The following GRB14 variants were observed in gnomAD, a reference collection of about 807,000 sequenced individuals.
GRB14 encodes the protein growth factor receptor-bound protein 14.
In GRB14, 38 loss-of-function variants were observed where a neutral mutation model predicts 69.1. That is an observed-to-expected ratio of 0.55 (90% confidence interval 0.42 to 0.72). The LOEUF (loss-of-function observed/expected upper bound fraction) is 0.72. Ranked by LOEUF, GRB14 falls within the 30% of genes least tolerant of loss-of-function variation. GRB14 has a pLI of 0.00. For synonymous variants in GRB14, 247 were observed against 241.3 expected, an observed-to-expected ratio of 1.02 and a Z score of -0.22; for missense variants, 666 against 666.1, an observed-to-expected ratio of 1.00 and a Z score of 0.00.
At chr2:164,525,146 A>G in intron 4 of GRB14, 68 bp from the exon 5 acceptor site, 1 of 1,044,834 alleles carries the variant, frequency 9.6e-7, no homozygotes, top group Non-Finnish European at 1.4e-6. Context: ...TGACCAATAT[A>G]GTAATCAAAA....
At chr2:164,568,299 TAAA>T in intron 2 of GRB14, 1 of 1,281,104 alleles carries the variant, frequency 7.8e-7, no homozygotes, top group Non-Finnish European at 1.0e-6. Context: ...AAAAAAAGGA[TAAA>T]GAAGTCACAT....
In GRB14 at chr2:164,546,594, A is replaced by G. The variant is rs537231603; in HGVS notation, c.481+1066T>C. ...CCATATCCACCACGATGCCCCTCCC[A>G]CAAGCTTGTGAAAAACTTTCCCCCA... On this transcript the variant is annotated intron_variant, in intron 3 of 13. Coordinates refer to ENST00000263915, the MANE Select transcript of GRB14 (RefSeq NM_004490.3). 1.6e-3 allele frequency among the ~76,000 whole-genome samples: 247 copies of G among 152,292 alleles called. 1 individual carries two copies. Among genetic ancestry groups the G allele is most frequent in the Non-Finnish European group, 2.4e-3 (166 of 68,020 alleles).
chr2:164,529,977 G>A (rs1021193523), intron 3 of GRB14, among the ~76,000 whole-genome samples: 1 of 152,170 alleles, frequency 6.6e-6, no homozygotes, highest in Non-Finnish European at 1.5e-5. Flanking sequence ...GGAGAAGACA[G>A]TAACAAAATA....
In GRB14 at chr2:164,527,586, T is replaced by C. The variant is rs142083481; in HGVS notation, c.482-451A>G. Among the ~76,000 whole-genome samples the C allele has an allele frequency of 5.9e-5, 9 of 151,998 alleles. No homozygotes were observed. In the East Asian group the frequency reaches 1.5e-3, roughly 26 times the overall value. On this transcript the variant is annotated intron_variant, in intron 3 of 13. Transcript: ENST00000263915. ...TTAAGAGATGAAGAATTTTGACAGG[T>C]TCATGTGCATTTAAGACTGTCCAGA... is the stretch of plus-strand genomic sequence containing the variant.
intron 3 of GRB14, among the ~76,000 whole-genome samples, chr2:164,530,734 G>A (rs750182511): frequency 2.0e-5 from 3 of 152,168 alleles, no homozygotes; most frequent in Non-Finnish European, 2.9e-5. Context: ...GTTATCCCAG[G>A]AGAAGAAGTT....
intron 6 of GRB14, 111 bp downstream of exon 6, chr2:164,521,869 A>G (rs991439480): frequency 2.0e-6 from 2 of 1,003,798 alleles, no homozygotes; most frequent in Non-Finnish European, 3.0e-6. Flanking sequence ...AAGAAAATCA[A>G]AGACCAACCT....
intron 2 of GRB14, among the ~76,000 whole-genome samples, chr2:164,571,035 A>G (rs553504509): frequency 2.0e-4 from 31 of 152,354 alleles, no homozygotes; most frequent in African/African-American, 6.0e-4. Flanking sequence ...GATACTTTTC[A>G]TAGTCAGCAG....
chr2:164,604,500 G>A (rs1232874482), intron 2 of GRB14, among the ~76,000 whole-genome samples: 1 of 151,970 alleles, frequency 6.6e-6, no homozygotes, highest in East Asian at 1.9e-4. Context: ...ATGTGTAAAG[G>A]CATAAAAACA....
intron 2 of GRB14, among the ~76,000 whole-genome samples, chr2:164,584,663 G>C (rs1689492314): frequency 6.6e-6 from 1 of 151,830 alleles, no homozygotes; most frequent in Admixed American, 6.6e-5. Context: ...AAAGGAATAT[G>C]TTGACTTGCC....
intron 2 of GRB14, among the ~76,000 whole-genome samples, chr2:164,583,257 T>C (rs998754643): frequency 2.6e-5 from 4 of 151,266 alleles, no homozygotes; most frequent in Admixed American, 6.6e-5. Context: ...ACTAGCAGAA[T>C]AGCACTAAAA....
intron 8 of GRB14, 131 bp downstream of exon 8, chr2:164,508,324 C>A: frequency 1.5e-6 from 1 of 654,304 alleles, no homozygotes. Flanking sequence ...AAAACATACA[C>A]ATTTGGTGGT....
intron 2 of GRB14, among the ~76,000 whole-genome samples, chr2:164,567,784 T>C (rs1689016155): frequency 6.6e-6 from 1 of 152,172 alleles, no homozygotes; most frequent in African/African-American, 2.4e-5. Flanking sequence ...GGGAATTTAA[T>C]GGAAAGTTTT....
At chr2:164,514,976 A>G (rs1687441496) in intron 6 of GRB14, among the ~76,000 whole-genome samples, 1 of 152,158 alleles carries the variant, frequency 6.6e-6, no homozygotes, top group Non-Finnish European at 1.5e-5. Context: ...GATGCAGCAG[A>G]GGCAGCCATA....
At chr2:164,593,030 CG>C (rs1689704608) in intron 2 of GRB14, among the ~76,000 whole-genome samples, 1 of 152,130 alleles carries the variant, frequency 6.6e-6, no homozygotes. Context: ...TGTTACATAG[CG>C]GTCTGTACTT....
At chr2:164,544,444 T>A (rs1042447757) in intron 3 of GRB14, among the ~76,000 whole-genome samples, 2 of 152,132 alleles carry the variant, frequency 1.3e-5, no homozygotes, top group Admixed American at 1.3e-4. Context: ...AATTTAAGAA[T>A]ATAAAATACT....
intron 2 of GRB14, among the ~76,000 whole-genome samples, chr2:164,601,458 A>G (rs559450062): frequency 6.6e-6 from 1 of 152,242 alleles, no homozygotes; most frequent in African/African-American, 2.4e-5. Context: ...AGCACAGAGA[A>G]GGTATTTTGA....
In GRB14 at chr2:164,527,077, T is replaced by C. The variant is rs1255184611; in HGVS notation, c.540A>G (p.Glu180=). Residue 180 remains glutamate (E), a synonymous_variant, in exon 4 of 14, where the codon GAA becomes GAG. Coordinates refer to ENST00000263915, the MANE Select transcript of GRB14 (RefSeq NM_004490.3). The part of the protein sequence containing the change: ...VIEVLSNWGI[E]EENKLYFRKN... ...TTCTAAAGTATAGTTTGTTTTCTTC[T>C]TCTATCCCCCAGTTGGATAGCACTT... The C allele has an allele frequency of 6.3e-7, 1 of 1,589,270 alleles. No individual in the cohort carries two copies. The highest frequency in any genetic ancestry group is 1.1e-5 in the South Asian group (1 of 90,138).
intron 2 of GRB14, among the ~76,000 whole-genome samples, chr2:164,613,264 G>C (rs775692419): frequency 1.3e-5 from 2 of 152,186 alleles, no homozygotes; most frequent in Non-Finnish European, 2.9e-5. Context: ...TTTGTGTCCT[G>C]TTTGAGATCT....
intron 8 of GRB14, among the ~76,000 whole-genome samples, chr2:164,502,640 C>T (rs1421073340): frequency 6.6e-6 from 1 of 150,670 alleles, no homozygotes. Flanking sequence ...GAGTAGTACA[C>T]TGCCTCATGA....
Sources: gnomAD v4.1 joint callset for allele counts (sites outside exome capture counted in the v4.1 genomes callset) on GRCh38, gnomAD v4.1.1 for gene constraint, MANE v1.5 for transcripts, NCBI Gene and HGNC (gene_info 2026-07-23, HGNC 2026-07-21) for gene names.